Variants in GYPB observed in about 807,000 individuals in gnomAD.
The protein encoded by GYPB is glycophorin B (MNS blood group).
GYPB carries 13 observed loss-of-function variants against 15.3 expected under a neutral mutation model. The ratio of observed to expected loss-of-function variants is 0.85; its 90% CI spans 0.55 to 1.35. The LOEUF is 1.35. Among genes scored for constraint, GYPB ranks in the 40% most tolerant of loss-of-function variants. The pLI, the probability that GYPB is intolerant of heterozygous loss-of-function variation, is 0.00. For synonymous variants in GYPB, 38 were observed against 36.9 expected (o/e 1.03, Z -0.11); for missense variants, 131 against 108.3 (o/e 1.21, Z -0.93).
rs1049748400 is a variant in GYPB at position 144,001,065 on chromosome 4, T to G, written c.136+120A>C. ...TTGTGTCTACTTAGTAGGCTGTGTC[T>G]ACTTAGCTCGCATTTCTCAGTGTTT... On this transcript the variant is annotated intron_variant, in intron 2 of 4. Transcript: ENST00000502664. The G allele has an allele frequency of 1.0e-5, 16 of 1,531,804 alleles. No homozygotes were observed. In the African/African-American group the frequency reaches 2.0e-4, roughly 19 times the overall value. 94.9% of individuals were successfully genotyped at this position (1,531,804 alleles called of 1,614,324 possible). A position where few individuals can be genotyped will look rare whatever the true frequency, so the allele number is the denominator to read the frequency against.
In GYPB at chr4:143,996,196, G is replaced by A. The variant is rs1428389615; in HGVS notation, c.*103C>T. 1.9e-6 allele frequency: 3 copies of A among 1,545,160 alleles called. No homozygotes were observed. The highest frequency in any genetic ancestry group is 2.6e-6 in the Non-Finnish European group (3 of 1,143,612). ...AGGGAATTAGGATAGCCAGGGGTAG[G>A]GGCATAAGCAAAGGAATAGCAGGTG... On this transcript the variant is annotated 3_prime_UTR_variant, in exon 5 of 5. Transcript: ENST00000502664.
intron 1 of GYPB, among the ~76,000 whole-genome samples, chr4:144,011,948 A>C (rs1372944892): frequency 6.6e-6 from 1 of 152,202 alleles, no homozygotes; most frequent in African/African-American, 2.4e-5. Context: ...TAGCTGTACT[A>C]TTCATGTTTT....
chr4:144,013,122 A>C (rs571815688), intron 1 of GYPB, among the ~76,000 whole-genome samples: 1 of 151,622 alleles, frequency 6.6e-6, no homozygotes, highest in East Asian at 1.9e-4. Flanking sequence ...AAATAAATTT[A>C]AAAATGGGTG....
Position 144,014,995 on chromosome 4 carries a change from A to G in GYPB, c.37+4256T>C, listed in dbSNP as rs557282112. Among the ~76,000 whole-genome samples, 44 of 151,528 alleles carry G rather than the reference A, an allele frequency of 2.9e-4. 4 individuals carry two copies. The highest frequency in any genetic ancestry group is 9.3e-4 in the African/African-American group (38 of 40,860). On this transcript the variant is annotated intron_variant, in intron 1 of 4. Transcript: ENST00000502664. ...ACTTTGTACACTACAAAGAAAGATGACATCATTTTTCCAGTGCTTACATAT... is the reference window on the plus strand; with the variant it reads ...ACTTTGTACACTACAAAGAAAGATGGCATCATTTTTCCAGTGCTTACATAT...
In GYPB at chr4:144,006,764, T is replaced by C. The variant is rs556272961; in HGVS notation, c.38-5481A>G. ...TCTGAAAACTAAATTTTCTAAATGC[T>C]ACAGTTTTTTGACATTGCAATGACC... On this transcript the variant is annotated intron_variant, in intron 1 of 4. Transcript: ENST00000502664. Among the ~76,000 whole-genome samples the C allele has an allele frequency of 2.6e-5, 4 of 151,912 alleles. No individual in the cohort carries two copies. In the South Asian group the frequency reaches 8.3e-4, roughly 31 times the overall value.
rs1727298678 is a variant in GYPB, at chr4:143,996,194, A to T, written c.*105T>A. Reference sequence around the variant, plus strand: ...ACAGGGAATTAGGATAGCCAGGGGTAGGGGCATAAGCAAAGGAATAGCAGG... The same window carrying T: ...ACAGGGAATTAGGATAGCCAGGGGTTGGGGCATAAGCAAAGGAATAGCAGG... On this transcript the variant is annotated 3_prime_UTR_variant, in exon 5 of 5. Transcript: ENST00000502664. The T allele has an allele frequency of 3.9e-6, 6 of 1,544,028 alleles. No individual in the cohort carries two copies. Among genetic ancestry groups the T allele is most frequent in the African/African-American group, 1.4e-5 (1 of 71,502 alleles).
chr4:144,003,800 A>G (rs1452620653), intron 1 of GYPB, among the ~76,000 whole-genome samples: 1 of 151,362 alleles, frequency 6.6e-6, no homozygotes, highest in South Asian at 2.1e-4. Context: ...GAAACCCCAG[A>G]GATCAAACAC....
At chr4:144,013,209 C>T (rs1728310448) in intron 1 of GYPB, among the ~76,000 whole-genome samples, 1 of 151,100 alleles carries the variant, frequency 6.6e-6, no homozygotes, top group Non-Finnish European at 1.5e-5. Context: ...CAAATCAAAA[C>T]CACAATGAGA....
At position 143,996,270 on chromosome 4, in the gene GYPB, C is replaced by A; in HGVS notation, c.*29G>T. The A allele has an allele frequency of 6.4e-7, 1 of 1,550,730 alleles. No homozygotes were observed. Among genetic ancestry groups the A allele is most frequent in the South Asian group, 1.2e-5 (1 of 84,048 alleles). On this transcript the variant is annotated 3_prime_UTR_variant, in exon 5 of 5. Coordinates refer to ENST00000502664, the MANE Select transcript of GYPB (RefSeq NM_002100.6). ...AACAGCAGGTGCAGCCGGTTCTAGG[C>A]AAGATCAGGCAGCATGCAGGCCACA...
intron 2 of GYPB, chr4:144,000,345 A>G (rs1009526456): frequency 7.4e-5 from 34 of 458,404 alleles, no homozygotes; most frequent in Non-Finnish European, 1.1e-4. Context: ...CAATCACAAC[A>G]ATGACTCCAG....
intron 1 of GYPB, among the ~76,000 whole-genome samples, chr4:144,018,782 A>G (rs1471209988): frequency 1.3e-5 from 2 of 150,942 alleles, no homozygotes; most frequent in Non-Finnish European, 2.9e-5. Flanking sequence ...CAGAGAAGCA[A>G]ACAACTCCCC....
At chr4:144,018,233 G>T (rs200207550) in intron 1 of GYPB, among the ~76,000 whole-genome samples, 1 of 151,412 alleles carries the variant, frequency 6.6e-6, no homozygotes, top group African/African-American at 2.5e-5. Context: ...ATAAAAATGT[G>T]GGCCCTTAAT....
rs184024523 is a variant in GYPB at position 144,017,736 on chromosome 4, T to C, written c.37+1515A>G. Among the ~76,000 whole-genome samples the C allele has an allele frequency of 3.5e-3, 535 of 151,562 alleles. 4 individuals are homozygous for C. Among genetic ancestry groups the C allele is most frequent in the Middle Eastern group, 0.024 (7 of 294 alleles). On this transcript the variant is annotated intron_variant, in intron 1 of 4. Transcript: ENST00000502664. ...TAGAGTACGCAGTGTCTAATTTTGTTTGAGCTACATCCAGTTTGGTTTGCC... is the reference window on the plus strand; with the variant it reads ...TAGAGTACGCAGTGTCTAATTTTGTCTGAGCTACATCCAGTTTGGTTTGCC...
At chr4:144,012,917 A>G (rs1728291052) in intron 1 of GYPB, among the ~76,000 whole-genome samples, 3 of 151,730 alleles carry the variant, frequency 2.0e-5, no homozygotes, top group Non-Finnish European at 4.4e-5. Flanking sequence ...TAGATATGAT[A>G]TCAAAAGCGT....
chr4:144,015,894 G>C (rs1220894655), intron 1 of GYPB, among the ~76,000 whole-genome samples: 3 of 151,002 alleles, frequency 2.0e-5, no homozygotes, highest in Non-Finnish European at 4.4e-5. Context: ...GAGGCCCACA[G>C]GTGTTAAATG....
chr4:144,011,572 A>G (rs1250234478), intron 1 of GYPB, among the ~76,000 whole-genome samples: 2 of 151,236 alleles, frequency 1.3e-5, no homozygotes, highest in Non-Finnish European at 2.9e-5. Flanking sequence ...GAGAAACATA[A>G]AGCAGAATAA....
In GYPB at chr4:144,019,248, T is replaced by C. The variant is rs371542435; in HGVS notation, c.37+3A>G. ...AGAACCAAGATGAAATAAAATCACTTACCTGACAATAGTAATACAAAGATT... is the reference window on the plus strand; with the variant it reads ...AGAACCAAGATGAAATAAAATCACTCACCTGACAATAGTAATACAAAGATT... On this transcript the variant is annotated splice_donor_region_variant and intron_variant, in intron 1 of 4. Coordinates refer to ENST00000502664, the MANE Select transcript of GYPB (RefSeq NM_002100.6). 6.2e-7 allele frequency: 1 copy of C among 1,611,144 alleles called. No homozygotes were observed. The highest frequency in any genetic ancestry group is 8.5e-7 in the Non-Finnish European group (1 of 1,179,190).
chr4:144,011,100 G>A (rs1337042572), intron 1 of GYPB, among the ~76,000 whole-genome samples: 1 of 151,542 alleles, frequency 6.6e-6, no homozygotes, highest in Non-Finnish European at 1.5e-5. Context: ...GATAGGTTAG[G>A]ACTGGTGCAA....
At chr4:144,019,175 A>G (rs1728656869) in intron 1 of GYPB, 76 bp downstream of exon 1, 1 of 1,605,794 alleles carries the variant, frequency 6.2e-7, no homozygotes, top group African/African-American at 1.4e-5. Flanking sequence ...GATAGAACTG[A>G]AATAGGGTAG....
Sources: gnomAD v4.1 joint callset for allele counts (sites outside exome capture counted in the v4.1 genomes callset) on GRCh38, gnomAD v4.1.1 for gene constraint, MANE v1.5 for transcripts, NCBI Gene and HGNC (gene_info 2026-07-23, HGNC 2026-07-21) for gene names.